The following SGCZ variants were observed in gnomAD, a reference collection of about 807,000 sequenced individuals.
SGCZ encodes the protein zeta-sarcoglycan.
Under a neutral mutation model 41.3 loss-of-function variants are expected in SGCZ, and 40 were observed. That is an observed-to-expected ratio of 0.97 (90% CI 0.75 to 1.26). The LOEUF is 1.26. Among genes scored for constraint, SGCZ ranks in the 50% most tolerant of loss-of-function variants. The probability of loss-of-function intolerance (pLI) is 0.00; values close to 1 mark genes in which losing one functional copy is unlikely to be tolerated. For missense variants in SGCZ, 552 were observed against 369.8 expected (o/e 1.49, Z -4.04); for synonymous variants, 206 against 137.5 (o/e 1.50, Z -3.49).
intron 1 of SGCZ, among the ~76,000 whole-genome samples, chr8:14,802,015 G>C (rs559370347): frequency 6.6e-6 from 1 of 152,286 alleles, no homozygotes; most frequent in African/African-American, 2.4e-5. Flanking sequence ...ATATGGAAAA[G>C]AAATTAGGAA....
chr8:14,108,239 G>A lies in SGCZ; in HGVS notation c.548-4C>T, dbSNP rs749863141. On this transcript the variant is annotated splice_polypyrimidine_tract_variant and splice_region_variant and intron_variant, in intron 5 of 7. Transcript: ENST00000382080. ...CCAAATACGGCTCCTTCAGTGCCTGGGGGTAGCATGAATATAGCAGTCAGT... is the reference window on the plus strand; with the variant it reads ...CCAAATACGGCTCCTTCAGTGCCTGAGGGTAGCATGAATATAGCAGTCAGT... The A allele has an allele frequency of 1.9e-5, 31 of 1,613,796 alleles. No individual in the cohort carries two copies. The highest frequency in any genetic ancestry group is 1.9e-5 in the Non-Finnish European group (23 of 1,179,924).
chr8:14,425,400 C>A (rs1799751768), intron 2 of SGCZ, among the ~76,000 whole-genome samples: 2 of 152,082 alleles, frequency 1.3e-5, no homozygotes, highest in African/African-American at 4.8e-5. Context: ...GCAGGTGGAT[C>A]ACCTGAGGTC....
chr8:14,730,154 T>A (rs1810187851), intron 1 of SGCZ, among the ~76,000 whole-genome samples: 1 of 152,166 alleles, frequency 6.6e-6, no homozygotes, highest in African/African-American at 2.4e-5. Flanking sequence ...CATCATCTCA[T>A]CAAGAGAATC....
rs548107862 is a variant in SGCZ, at chr8:14,443,128, G to C, written c.234+111604C>G. Among the ~76,000 whole-genome samples, 34 of 151,482 alleles carry C rather than the reference G, an allele frequency of 2.2e-4. No individual in the cohort carries two copies. In the Middle Eastern group the frequency reaches 0.01, roughly 46 times the overall value. On this transcript the variant is annotated intron_variant, in intron 2 of 7. Coordinates refer to ENST00000382080, the MANE Select transcript of SGCZ (RefSeq NM_139167.4). ...GGGACATGAAGGACCTCTTCAAGGA[G>C]AACCACAAACCACTGCTCAAGGAAA...
intron 1 of SGCZ, among the ~76,000 whole-genome samples, chr8:15,183,713 T>C (rs929675565): frequency 4.6e-5 from 7 of 152,208 alleles, no homozygotes; most frequent in Non-Finnish European, 1.0e-4. Flanking sequence ...TATGAAAATA[T>C]ACCGGGATAG....
At chr8:15,207,539 G>T (rs1467003410) in intron 1 of SGCZ, among the ~76,000 whole-genome samples, 1 of 152,174 alleles carries the variant, frequency 6.6e-6, no homozygotes, top group Non-Finnish European at 1.5e-5. Flanking sequence ...ACTGCTCGGT[G>T]GTGCCCACAG....
chr8:14,577,805 T>C (rs948319011), intron 1 of SGCZ, among the ~76,000 whole-genome samples: 1 of 152,244 alleles, frequency 6.6e-6, no homozygotes, highest in Non-Finnish European at 1.5e-5. Flanking sequence ...TCTGTGTGTA[T>C]TGTAATCAAT....
chr8:14,093,392 G>C (rs1801747650), intron 7 of SGCZ, among the ~76,000 whole-genome samples: 1 of 152,010 alleles, frequency 6.6e-6, no homozygotes, highest in African/African-American at 2.4e-5. Context: ...ACTTCAATTG[G>C]ATCCTGATGT....
intron 1 of SGCZ, among the ~76,000 whole-genome samples, chr8:14,854,021 T>TTATATA (rs10604213): frequency 0.081 from 8,613 of 106,982 alleles, 405 homozygotes; most frequent in Non-Finnish European, 0.1. Flanking sequence ...TGTGATTATA[T>TTATATA]TATATATATA....
chr8:14,371,403 A>C (rs1250071308), intron 2 of SGCZ, among the ~76,000 whole-genome samples: 1 of 152,144 alleles, frequency 6.6e-6, no homozygotes, highest in East Asian at 1.9e-4. Flanking sequence ...TATTAGCAAT[A>C]ACCTTTGCTG....
chr8:14,925,435 T>C (rs1799717113), intron 1 of SGCZ, among the ~76,000 whole-genome samples: 1 of 152,224 alleles, frequency 6.6e-6, no homozygotes, highest in South Asian at 2.1e-4. Context: ...TATATTTATG[T>C]ACTAAGAATG....
At chr8:14,724,604 T>C (rs1235074372) in intron 1 of SGCZ, among the ~76,000 whole-genome samples, 3 of 151,828 alleles carry the variant, frequency 2.0e-5, no homozygotes, top group Non-Finnish European at 4.4e-5. Context: ...TTGATATTAA[T>C]ATAAATAATC....
intron 2 of SGCZ, among the ~76,000 whole-genome samples, chr8:14,350,293 G>A (rs1372028743): frequency 6.6e-6 from 1 of 151,642 alleles, no homozygotes; most frequent in South Asian, 2.1e-4. Context: ...GAAGATCTGG[G>A]GATATGCATC....
chr8:14,836,363 A>G (rs1413174671), intron 1 of SGCZ, among the ~76,000 whole-genome samples: 1 of 152,114 alleles, frequency 6.6e-6, no homozygotes, highest in African/African-American at 2.4e-5. Context: ...AAAGATAGGA[A>G]CCATTATTAA....
intron 2 of SGCZ, among the ~76,000 whole-genome samples, chr8:14,358,753 G>T (rs570132648): frequency 6.6e-6 from 1 of 152,004 alleles, no homozygotes; most frequent in Non-Finnish European, 1.5e-5. Flanking sequence ...TGGGATTACA[G>T]GCATGTGCCA....
intron 1 of SGCZ, among the ~76,000 whole-genome samples, chr8:15,040,674 T>G (rs958553626): frequency 3.9e-5 from 6 of 152,214 alleles, no homozygotes; most frequent in African/African-American, 1.4e-4. Flanking sequence ...TTATATTTAG[T>G]TGATCGTACT....
chr8:15,232,131 T>A (rs1801961130), intron 1 of SGCZ, among the ~76,000 whole-genome samples: 1 of 152,324 alleles, frequency 6.6e-6, no homozygotes, highest in African/African-American at 2.4e-5. Flanking sequence ...AAGTAAACGG[T>A]CATTTTCCTT....
chr8:14,203,689 T>C (rs1805528739), intron 4 of SGCZ, among the ~76,000 whole-genome samples: 1 of 152,192 alleles, frequency 6.6e-6, no homozygotes, highest in Non-Finnish European at 1.5e-5. Flanking sequence ...AAATTAAACA[T>C]GGCCTTTATA....
chr8:14,935,060 C>A, intron 1 of SGCZ, among the ~76,000 whole-genome samples: 1 of 148,188 alleles, frequency 6.7e-6, no homozygotes, highest in East Asian at 2.0e-4. Context: ...GAGATGATTT[C>A]TAAAAATTAC....
Sources: allele counts gnomAD v4.1 joint callset (sites outside exome capture counted in the v4.1 genomes callset), GRCh38; gene constraint gnomAD v4.1.1; transcripts MANE v1.5; gene names NCBI Gene and HGNC (gene_info 2026-07-23, HGNC 2026-07-21).